The following MAML3 variants were observed in gnomAD, a reference collection of about 807,000 sequenced individuals.
The protein encoded by MAML3 is mastermind-like protein 3.
A neutral mutation model predicts 101.9 loss-of-function variants in MAML3; 27 were observed. The observed-to-expected ratio is 0.27, with a 90% CI of 0.20 to 0.37. The LOEUF (loss-of-function observed/expected upper bound fraction) is 0.37, where lower values mean the gene tolerates loss of function less well. Ranked by LOEUF, MAML3 falls within the 10% of genes least tolerant of loss-of-function variation. MAML3 has a pLI of 1.00. For synonymous variants in MAML3, 501 were observed against 555.9 expected (o/e 0.90, Z 1.39); for missense variants, 1,316 against 1,444.9 (o/e 0.91, Z 1.45).
intron 2 of MAML3, among the ~76,000 whole-genome samples, chr4:139,866,541 C>T (rs2271391): frequency 0.26 from 40,125 of 152,096 alleles, 6,680 homozygotes; most frequent in East Asian, 0.68. Context: ...GAGGTTTTCA[C>T]GGAGCTTGGG....
At position 139,889,813 on chromosome 4, in the gene MAML3, C is replaced by T; in HGVS notation, c.1623G>A (p.Met541Ile). ...GGTTGTTAAAGGCTTGGGGGTACAT[C>T]ATTGGGCTATTTGGTTTTTCTGCAG... is the stretch of plus-strand genomic sequence containing the variant. The part of the protein sequence containing the change: ...AFTAEKPNSP[M>I]MYPQAFNNQN... The change falls in exon 2 of 5, where the codon ATG becomes ATA. Residue 541 changes from methionine to isoleucine, a missense_variant. Physicochemically the swap from Met to Ile is conservative, Grantham distance 10. Coordinates refer to ENST00000509479, the MANE Select transcript of MAML3 (RefSeq NM_018717.5). 6.2e-7 allele frequency: 1 copy of T among 1,613,936 alleles called. No individual in the cohort carries two copies. Among genetic ancestry groups the T allele is most frequent in the Admixed American group, 1.7e-5 (1 of 60,006 alleles).
At chr4:139,852,847 G>A (rs1242120806) in intron 2 of MAML3, among the ~76,000 whole-genome samples, 1 of 152,166 alleles carries the variant, frequency 6.6e-6, no homozygotes, top group African/African-American at 2.4e-5. Context: ...CTCAGCCATT[G>A]TGAAATGGAA....
At chr4:140,074,807 C>T (rs889102502) in intron 1 of MAML3, among the ~76,000 whole-genome samples, 1 of 152,186 alleles carries the variant, frequency 6.6e-6, no homozygotes, top group African/African-American at 2.4e-5. Context: ...GAGATAGTGA[C>T]TCCTTTGCTT....
At chr4:140,120,301 C>T (rs2111024099) in intron 1 of MAML3, among the ~76,000 whole-genome samples, 1 of 151,482 alleles carries the variant, frequency 6.6e-6, no homozygotes, top group East Asian at 1.9e-4. Context: ...GAGTGCCTCC[C>T]CTAATGAGTA....
chr4:140,003,043 T>C (rs534813923), intron 1 of MAML3, among the ~76,000 whole-genome samples: 96 of 152,346 alleles, frequency 6.3e-4, no homozygotes, highest in Admixed American at 5.7e-3. Flanking sequence ...TTTAAAACAA[T>C]TCAACTTGGT....
chr4:139,743,903 C>T (rs1051451388), intron 2 of MAML3, among the ~76,000 whole-genome samples: 1 of 152,120 alleles, frequency 6.6e-6, no homozygotes, highest in Admixed American at 6.5e-5. Context: ...AAAGTAAGTC[C>T]TCATGTACAT....
At chr4:139,754,311 AC>A (rs1729598849) in intron 2 of MAML3, among the ~76,000 whole-genome samples, 1 of 152,240 alleles carries the variant, frequency 6.6e-6, no homozygotes, top group South Asian at 2.1e-4. Context: ...AAATTTATCC[AC>A]TATGGAAAAT....
intron 1 of MAML3, among the ~76,000 whole-genome samples, chr4:139,937,670 G>A (rs1471152157): frequency 6.6e-6 from 1 of 152,146 alleles, no homozygotes; most frequent in Non-Finnish European, 1.5e-5. Context: ...ATACAGGTAT[G>A]AGCCACTGCG....
intron 2 of MAML3, among the ~76,000 whole-genome samples, chr4:139,797,292 A>G (rs752474317): frequency 6.6e-6 from 1 of 152,230 alleles, no homozygotes; most frequent in South Asian, 2.1e-4. Context: ...CTGAGCGAAC[A>G]TGTCAGCAGG....
chr4:140,048,362 A>G lies in MAML3; in HGVS notation c.468+104498T>C, dbSNP rs149110480. On this transcript the variant is annotated intron_variant, in intron 1 of 4. Coordinates refer to ENST00000509479, the MANE Select transcript of MAML3 (RefSeq NM_018717.5). ...TTTTCAAAAGGCATACAAGTGACCA[A>G]ATAATAAAGCCATCTCCAAAAGGTC... is the stretch of plus-strand genomic sequence containing the variant. Among the ~76,000 whole-genome samples the G allele has an allele frequency of 3.1e-3, 465 of 152,352 alleles. 3 individuals are homozygous for G. The highest frequency in any genetic ancestry group is 5.3e-3 in the Non-Finnish European group (359 of 68,032).
intron 2 of MAML3, among the ~76,000 whole-genome samples, chr4:139,779,489 A>AT (rs987048454): frequency 6.6e-6 from 1 of 152,186 alleles, no homozygotes; most frequent in African/African-American, 2.4e-5. Context: ...TATAGCCCTG[A>AT]TTTTTTACAT....
At chr4:140,073,001 C>T (rs1175712500) in intron 1 of MAML3, among the ~76,000 whole-genome samples, 1 of 152,156 alleles carries the variant, frequency 6.6e-6, no homozygotes, top group African/African-American at 2.4e-5. Context: ...AGTCGCCTCT[C>T]AACCTGACCA....
At chr4:139,904,625 G>A (rs995097987) in intron 1 of MAML3, among the ~76,000 whole-genome samples, 1 of 152,214 alleles carries the variant, frequency 6.6e-6, no homozygotes, top group Admixed American at 6.5e-5. Flanking sequence ...TCATAGTGAG[G>A]TGAAGACAGC....
chr4:140,146,219 A>G (rs1729062303), intron 1 of MAML3, among the ~76,000 whole-genome samples: 2 of 152,114 alleles, frequency 1.3e-5, no homozygotes, highest in Admixed American at 6.6e-5. Flanking sequence ...TAGTATACAC[A>G]GCTTGCCATA....
intron 4 of MAML3, among the ~76,000 whole-genome samples, chr4:139,721,563 T>G (rs1183544109): frequency 6.6e-6 from 1 of 152,236 alleles, no homozygotes; most frequent in African/African-American, 2.4e-5. Context: ...CATGTTTTTG[T>G]CTTCCTGATG....
chr4:140,114,451 A>G (rs1728485845), intron 1 of MAML3, among the ~76,000 whole-genome samples: 1 of 152,254 alleles, frequency 6.6e-6, no homozygotes, highest in Non-Finnish European at 1.5e-5. Flanking sequence ...ATTAAAATAA[A>G]ACTACAATAT....
At chr4:139,809,266 C>T (rs566601762) in intron 2 of MAML3, among the ~76,000 whole-genome samples, 1 of 152,288 alleles carries the variant, frequency 6.6e-6, no homozygotes. Context: ...AGACAAGGGC[C>T]ACAAGAGAAG....
chr4:139,796,429 A>C (rs1730511512), intron 2 of MAML3, among the ~76,000 whole-genome samples: 1 of 152,216 alleles, frequency 6.6e-6, no homozygotes, highest in South Asian at 2.1e-4. Flanking sequence ...AGATTCTGAA[A>C]TGAAGCCCAG....
intron 2 of MAML3, among the ~76,000 whole-genome samples, chr4:139,818,223 C>T (rs527948962): frequency 6.6e-6 from 1 of 152,258 alleles, no homozygotes; most frequent in South Asian, 2.1e-4. Context: ...TTGACTGGCA[C>T]CTCCCTCACT....
Sources: gnomAD v4.1 joint callset for allele counts (sites outside exome capture counted in the v4.1 genomes callset) on GRCh38, gnomAD v4.1.1 for gene constraint, MANE v1.5 for transcripts, NCBI Gene and HGNC (gene_info 2026-07-23, HGNC 2026-07-21) for gene names.